Variants in BRIP1 observed in about 807,000 individuals in gnomAD.
BRIP1 encodes BRCA1 interacting DNA helicase 1.
A neutral mutation model predicts 119.7 loss-of-function variants in BRIP1; 88 were observed. That is an observed-to-expected ratio of 0.74 (90% confidence interval 0.62 to 0.88). The LOEUF (loss-of-function observed/expected upper bound fraction) is 0.88. Ranked by LOEUF, BRIP1 falls within the 40% of genes least tolerant of loss-of-function variation. The probability of loss-of-function intolerance (pLI) is 0.00; values close to 1 mark genes in which losing one functional copy is unlikely to be tolerated. For synonymous variants in BRIP1, 443 were observed against 496.5 expected, an observed-to-expected ratio of 0.89 and a Z score of 1.43; for missense variants, 1,259 against 1,455.4, an observed-to-expected ratio of 0.87 and a Z score of 2.20.
rs1159042783 is a variant in BRIP1 at position 61,679,245 on chromosome 17, C to A, written c.*4051G>T. Among the ~76,000 whole-genome samples, 5 of 152,138 alleles carry A rather than the reference C, an allele frequency of 3.3e-5. No individual in the cohort carries two copies. The highest frequency in any genetic ancestry group is 3.3e-4 in the Admixed American group (5 of 15,274). On this transcript the variant is annotated 3_prime_UTR_variant, in exon 20 of 20. Transcript: ENST00000259008. This position sits in a 1 kb window ranked among gnomAD's most constrained non-coding sequence, Gnocchi z 4.4. ...AAATTAATGTTTTGAATAGAAAGAT[C>A]TTAACAACAAAGCCTTATAGAAACT...
rs1301040448 is a variant in BRIP1 at position 61,706,469 on chromosome 17, A to T, written c.2492+9482T>A. On this transcript the variant is annotated intron_variant, in intron 17 of 19. Transcript: ENST00000259008. The surrounding 1 kb of genome is among the most constrained non-coding windows in gnomAD (Gnocchi z 5.7). The stretch of plus-strand genomic sequence containing the variant: ...AACACATAGTTTTATGTTTTCAATG[A>T]AAAACATAACTGTCCTTTCCCTACC... Among the ~76,000 whole-genome samples the T allele has an allele frequency of 1.3e-5, 2 of 152,168 alleles. No individual in the cohort carries two copies. The highest frequency in any genetic ancestry group is 2.4e-5 in the African/African-American group (1 of 41,456).
Position 61,862,992 on chromosome 17 carries a change from C to T in BRIP1, c.-31+292G>A, listed in dbSNP as rs1050708634. Among the ~76,000 whole-genome samples the T allele has an allele frequency of 6.6e-6, 1 of 152,260 alleles. No individual in the cohort carries two copies. Among genetic ancestry groups the T allele is most frequent in the South Asian group, 2.1e-4 (1 of 4,812 alleles). On this transcript the variant is annotated intron_variant, in intron 1 of 19. Coordinates refer to ENST00000259008, the MANE Select transcript of BRIP1 (RefSeq NM_032043.3). The surrounding 1 kb of genome is among the most constrained non-coding windows in gnomAD (Gnocchi z 5.3). ...TCTAGAAATCAGCCCGTCCTGTACC[C>T]CGGCTGTGGCAACAATAGTGTCAAA...
chr17:61,798,987 T>C lies in BRIP1; in HGVS notation c.1340+113A>G. ...AGCTTAACTGGCAAGGAACAATTCA[T>C]TTCCCAAGAAGCCTAGTTAACCAAA... On this transcript the variant is annotated intron_variant, in intron 9 of 19. Transcript: ENST00000259008. The surrounding 1 kb of genome is among the most constrained non-coding windows in gnomAD (Gnocchi z 5.5). The C allele has an allele frequency of 1.0e-6, 1 of 981,744 alleles. No homozygotes were observed. The highest frequency in any genetic ancestry group is 1.6e-6 in the Non-Finnish European group (1 of 625,688). The allele number at this position is 981,744 out of a possible 1,614,324, so 60.8% of individuals were successfully genotyped here.
chr17:61,714,071 G>C (rs1002562405), intron 17 of BRIP1, among the ~76,000 whole-genome samples: 1 of 152,150 alleles, frequency 6.6e-6, no homozygotes, highest in Non-Finnish European at 1.5e-5. Flanking sequence ...AGCTACTTGG[G>C]AGGCTAAGGT....
In BRIP1 at chr17:61,834,752, AGAT is replaced by A. The variant is rs2078545517; in HGVS notation, c.627+12346_627+12348del. Among the ~76,000 whole-genome samples, 1 of 152,204 alleles carries A rather than the reference AGAT, an allele frequency of 6.6e-6. No individual in the cohort carries two copies. The highest frequency in any genetic ancestry group is 2.4e-5 in the African/African-American group (1 of 41,438). On this transcript the variant is annotated intron_variant, in intron 6 of 19. Transcript: ENST00000259008. This position sits in a 1 kb window ranked among gnomAD's most constrained non-coding sequence, Gnocchi z 4.4. The stretch of plus-strand genomic sequence containing the variant: ...ATACATAAACCAGAATTAGCCTGCT[AGAT>A]GATGAGAGAGACCCACCTCATGGTC...
At chr17:61,777,932 C>T (rs2077559422) in intron 13 of BRIP1, among the ~76,000 whole-genome samples, 1 of 152,168 alleles carries the variant, frequency 6.6e-6, no homozygotes, top group Non-Finnish European at 1.5e-5. Flanking sequence ...ATGTCTTGGT[C>T]TTCCCGGAGG....
chr17:61,800,499 G>A (rs1567830679), intron 8 of BRIP1, among the ~76,000 whole-genome samples: 1 of 152,146 alleles, frequency 6.6e-6, no homozygotes, highest in Non-Finnish European at 1.5e-5. Context: ...GGCAGATCCA[G>A]GTCAGACTAT....
chr17:61,855,627 G>A (rs1240722795), intron 4 of BRIP1, among the ~76,000 whole-genome samples: 1 of 149,826 alleles, frequency 6.7e-6, no homozygotes, highest in African/African-American at 2.5e-5. Flanking sequence ...AATTTGTTAT[G>A]TCAAGTAAAC....
rs998880828 is a variant in BRIP1 at position 61,758,740 on chromosome 17, T to C, written c.2098-14149A>G. ...TCACTCATGCCTGTAATTCCAGCAC[T>C]TTAGGAGGCTGAGGCAGAAGGATTG... is the stretch of plus-strand genomic sequence containing the variant. On this transcript the variant is annotated intron_variant, in intron 14 of 19. Transcript: ENST00000259008. This position sits in a 1 kb window ranked among gnomAD's most constrained non-coding sequence, Gnocchi z 5.3. 1.3e-5 allele frequency among the ~76,000 whole-genome samples: 2 copies of C among 151,940 alleles called. No homozygotes were observed. The highest frequency in any genetic ancestry group is 2.9e-5 in the Non-Finnish European group (2 of 67,994).
At position 61,704,755 on chromosome 17, in the gene BRIP1, G is replaced by A. The variant is rs1205738284; in HGVS notation, c.2492+11196C>T. Among the ~76,000 whole-genome samples, 1 of 152,000 alleles carries A rather than the reference G, an allele frequency of 6.6e-6. No homozygotes were observed. The highest frequency in any genetic ancestry group is 1.5e-5 in the Non-Finnish European group (1 of 67,978). ...AAGTTATCAAATGTATATGTATAGA[G>A]TTTTTCGTAGTATTCTCATATTATT... On this transcript the variant is annotated intron_variant, in intron 17 of 19. Transcript: ENST00000259008. This position sits in a 1 kb window ranked among gnomAD's most constrained non-coding sequence, Gnocchi z 5.7.
intron 7 of BRIP1, 84 bp from the exon 8 acceptor site, chr17:61,801,558 C>T (rs1378403597): frequency 5.4e-6 from 7 of 1,288,588 alleles, no homozygotes; most frequent in African/African-American, 2.9e-5. Flanking sequence ...ATTTGAGGAA[C>T]ATCATTAAAG....
rs1398062866 is a variant in BRIP1, at chr17:61,740,624, A to G, written c.2379+2389T>C. Among the ~76,000 whole-genome samples, 1 of 152,246 alleles carries G rather than the reference A, an allele frequency of 6.6e-6. No individual in the cohort carries two copies. Among genetic ancestry groups the G allele is most frequent in the Non-Finnish European group, 1.5e-5 (1 of 68,046 alleles). On this transcript the variant is annotated intron_variant, in intron 16 of 19. Coordinates refer to ENST00000259008, the MANE Select transcript of BRIP1 (RefSeq NM_032043.3). The surrounding 1 kb of genome is among the most constrained non-coding windows in gnomAD (Gnocchi z 5.4). ...GTTCCAGACCACCCCAATAAGGAGA[A>G]TATCATAACAAAGTAAGTCACATGA...
intron 6 of BRIP1, among the ~76,000 whole-genome samples, chr17:61,812,807 C>T (rs1202259642): frequency 6.6e-6 from 1 of 152,082 alleles, no homozygotes; most frequent in Non-Finnish European, 1.5e-5. Context: ...GACATGTCTA[C>T]ATTCTTTCAA....
chr17:61,847,061 T>C (rs781337114), intron 6 of BRIP1, 40 bp downstream of exon 6: 3 of 1,611,952 alleles, frequency 1.9e-6, no homozygotes, highest in Non-Finnish European at 2.5e-6. Context: ...AAATTCCATA[T>C]CTTCCTTCTT....
rs1317440749 is a variant in BRIP1 at position 61,748,016 on chromosome 17, G to A, written c.2098-3425C>T. Among the ~76,000 whole-genome samples the A allele has an allele frequency of 6.6e-6, 1 of 151,930 alleles. No homozygotes were observed. The highest frequency in any genetic ancestry group is 1.5e-5 in the Non-Finnish European group (1 of 67,994). ...GCCTCCCAAAGTGCTGGGATTACAGGTGTGAGCCACTATGCACAGTCCTCT... is the reference window on the plus strand; with the variant it reads ...GCCTCCCAAAGTGCTGGGATTACAGATGTGAGCCACTATGCACAGTCCTCT... On this transcript the variant is annotated intron_variant, in intron 14 of 19. Transcript: ENST00000259008. This position sits in a 1 kb window ranked among gnomAD's most constrained non-coding sequence, Gnocchi z 4.7.
At chr17:61,702,969 G>C (rs1336641393) in intron 17 of BRIP1, among the ~76,000 whole-genome samples, 4 of 113,132 alleles carry the variant, frequency 3.5e-5, no homozygotes, top group Non-Finnish European at 5.2e-5. Flanking sequence ...GCGAGCATCT[G>C]TTCTTTTTTT....
rs771004459 is a variant in BRIP1, at chr17:61,861,418, T to C, written c.93+29A>G. 16 of 1,473,014 alleles carry C rather than the reference T, an allele frequency of 1.1e-5. No individual in the cohort carries two copies. The highest frequency in any genetic ancestry group is 1.4e-5 in the Non-Finnish European group (15 of 1,052,458). The allele number at this position is 1,473,014 out of a possible 1,614,324, so 91.2% of individuals were successfully genotyped here. On this transcript the variant is annotated intron_variant, in intron 2 of 19. Coordinates refer to ENST00000259008, the MANE Select transcript of BRIP1 (RefSeq NM_032043.3). This position sits in a 1 kb window ranked among gnomAD's most constrained non-coding sequence, Gnocchi z 4.5. ...TGGGTCATAAGTATCTATATCTTAA[T>C]AAAAACTTAACTGCTGAAAAATACT...
intron 6 of BRIP1, among the ~76,000 whole-genome samples, chr17:61,833,930 T>C (rs1448621533): frequency 6.6e-6 from 1 of 152,032 alleles, no homozygotes; most frequent in Non-Finnish European, 1.5e-5. Context: ...ATAGACAGAG[T>C]ATATATTTTA....
At chr17:61,784,670 C>G (rs1015225856) in intron 10 of BRIP1, among the ~76,000 whole-genome samples, 1 of 152,144 alleles carries the variant, frequency 6.6e-6, no homozygotes, top group Non-Finnish European at 1.5e-5. Context: ...TAACGCCCTC[C>G]CTAAGTAGAG....
Sources: allele counts gnomAD v4.1 joint callset (sites outside exome capture counted in the v4.1 genomes callset), GRCh38; gene constraint gnomAD v4.1.1; non-coding constraint Gnocchi (gnomAD v3.1); transcripts MANE v1.5; gene names NCBI Gene and HGNC (gene_info 2026-07-23, HGNC 2026-07-21).